Variants in PRKAR1A observed in about 807,000 individuals in gnomAD.
PRKAR1A encodes the protein protein kinase cAMP-dependent type I regulatory subunit alpha, also known as cAMP-dependent protein kinase type I-alpha regulatory subunit.
Under a neutral mutation model 52.0 loss-of-function variants are expected in PRKAR1A, and 3 were observed. That is an observed-to-expected ratio of 0.06 (90% CI 0.03 to 0.15). PRKAR1A has a LOEUF of 0.15. PRKAR1A is among the 10% of genes least tolerant of loss of function. PRKAR1A has a pLI of 1.00. For synonymous variants in PRKAR1A, 188 were observed against 168.4 expected (o/e 1.12, Z -0.90); for missense variants, 240 against 477.4 (o/e 0.50, Z 4.63).
At chr17:68,432,265 G>A in the PRKAR1A span, among the ~76,000 whole-genome samples, 1 of 152,192 alleles carries the variant, frequency 6.6e-6, no homozygotes, top group African/African-American at 2.4e-5. Flanking sequence ...TCCCATGGCT[G>A]TGATATGTGA....
At chr17:68,450,732 C>A in the PRKAR1A span, 2 of 1,604,980 alleles carry the variant, frequency 1.2e-6, no homozygotes, top group South Asian at 1.1e-5. Context: ...ACTTACTTGC[C>A]GGTTCAGCCT....
downstream of PRKAR1A, chr17:68,535,404 G>A: frequency 2.2e-6 from 1 of 454,122 alleles, no homozygotes; most frequent in East Asian, 6.9e-5. Flanking sequence ...GAGGTGGCGG[G>A]TTTTGAGGTA....
At chr17:68,437,171 T>C in the PRKAR1A span, among the ~76,000 whole-genome samples, 1 of 152,116 alleles carries the variant, frequency 6.6e-6, no homozygotes, top group Non-Finnish European at 1.5e-5. Context: ...GAAAAGTCAG[T>C]ACATATTGGT....
the PRKAR1A span, among the ~76,000 whole-genome samples, chr17:68,415,444 GGTCT>G: frequency 6.6e-6 from 1 of 152,072 alleles, no homozygotes; most frequent in Non-Finnish European, 1.5e-5. Flanking sequence ...CCTATTGTAT[GGTCT>G]GTCTTGGAGA....
chr17:68,430,187 G>T, the PRKAR1A span: 7 of 1,594,560 alleles, frequency 4.4e-6, no homozygotes, highest in Non-Finnish European at 6.0e-6. Flanking sequence ...AGGCAACGAT[G>T]GGACTGGGCT....
rs529408224 is a variant in PRKAR1A, at chr17:68,531,333, T to G, written c.*884T>G. 1 of 1,066,146 alleles carries G rather than the reference T, an allele frequency of 9.4e-7. No homozygotes were observed. The highest frequency in any genetic ancestry group is 1.6e-5 in the African/African-American group (1 of 61,222). The allele number at this position is 1,066,146 out of a possible 1,614,324, so 66.0% of individuals were successfully genotyped here. On this transcript the variant is annotated 3_prime_UTR_variant, in exon 11 of 11. Coordinates refer to ENST00000589228, the MANE Select transcript of PRKAR1A (RefSeq NM_002734.5). ...TAATTTAGAGCGTTTGGTTAAAGTA[T>G]GTCCTTCAGCTGACTCCAGTATAAT... is the stretch of plus-strand genomic sequence containing the variant.
In PRKAR1A at chr17:68,532,789, C is replaced by T. The variant is rs1314963307; in HGVS notation, c.*2340C>T. 9.4e-7 allele frequency: 1 copy of T among 1,066,318 alleles called. No homozygotes were observed. Among genetic ancestry groups the T allele is most frequent in the African/African-American group, 1.6e-5 (1 of 61,084 alleles). The allele number at this position is 1,066,318 out of a possible 1,614,324, so 66.1% of individuals were successfully genotyped here. A position where few individuals can be genotyped will look rare whatever the true frequency, so the allele number is the denominator to read the frequency against. ...TCTTAAATGAATCAGTTTTTCTTCC[C>T]TTTCTCCTTTCCGTCTTTCCTCTCT... On this transcript the variant is annotated 3_prime_UTR_variant, in exon 11 of 11. Transcript: ENST00000589228.
At chr17:68,439,511 G>C in the PRKAR1A span, among the ~76,000 whole-genome samples, 1 of 152,142 alleles carries the variant, frequency 6.6e-6, no homozygotes, top group Non-Finnish European at 1.5e-5. Context: ...AGAGGTACAA[G>C]GTTTGGGGCG....
chr17:68,454,116 C>T, the PRKAR1A span, among the ~76,000 whole-genome samples: 2 of 152,222 alleles, frequency 1.3e-5, no homozygotes, highest in African/African-American at 4.8e-5. Flanking sequence ...GAGATAAAGA[C>T]AGGACGTGAA....
exon 12 of PRKAR1A, chr17:68,551,254 A>G (rs1282527044): frequency 8.1e-6 from 6 of 738,518 alleles, no homozygotes; most frequent in African/African-American, 3.6e-5. Context: ...TCTATGTTTC[A>G]CAAAATTTTC....
the PRKAR1A span, among the ~76,000 whole-genome samples, chr17:68,419,168 C>T: frequency 6.6e-6 from 1 of 152,136 alleles, no homozygotes; most frequent in Admixed American, 6.5e-5. Context: ...TGAAATGACT[C>T]ACCTGCCTTT....
At position 68,532,075 on chromosome 17, in the gene PRKAR1A, A is replaced by G; in HGVS notation, c.*1626A>G. The G allele has an allele frequency of 9.4e-7, 1 of 1,065,284 alleles. No individual in the cohort carries two copies. The highest frequency in any genetic ancestry group is 1.1e-6 in the Non-Finnish European group (1 of 879,012). 66.0% of individuals were successfully genotyped at this position (1,065,284 alleles called of 1,614,324 possible). On this transcript the variant is annotated 3_prime_UTR_variant, in exon 11 of 11. Transcript: ENST00000589228. ...CAAGTATGAAGTATAAATCTGGGGA[A>G]GAGGTTTTATTTACATTTTAGGGTG...
the PRKAR1A span, chr17:68,421,508 A>G: frequency 8.2e-6 from 4 of 490,016 alleles, no homozygotes; most frequent in East Asian, 9.8e-5. Context: ...TTATATACCA[A>G]TATGGTTAAT....
intron 11 of PRKAR1A, among the ~76,000 whole-genome samples, chr17:68,546,227 G>A (rs952472182): frequency 6.8e-6 from 1 of 147,984 alleles, no homozygotes; most frequent in African/African-American, 2.5e-5. Flanking sequence ...GTTTGATCAT[G>A]CAGTTGCAAC....
chr17:68,511,561 G>A (rs1884684499), upstream of PRKAR1A, among the ~76,000 whole-genome samples: 3 of 152,218 alleles, frequency 2.0e-5, no homozygotes, highest in South Asian at 6.2e-4. Flanking sequence ...GGGCACTTCA[G>A]GTTCTAGAAG....
chr17:68,537,997 G>A (rs2086144867), downstream of PRKAR1A, among the ~76,000 whole-genome samples: 1 of 152,146 alleles, frequency 6.6e-6, no homozygotes, highest in Admixed American at 6.6e-5. This position sits in a 1 kb window ranked among gnomAD's most constrained non-coding sequence, Gnocchi z 4.2. Context: ...TGGTGATGCT[G>A]GGCTATATGC....
chr17:68,444,735 A>T, the PRKAR1A span: 3 of 614,986 alleles, frequency 4.9e-6, no homozygotes, highest in South Asian at 4.5e-5. Context: ...GATTGTGTTT[A>T]TGGATGTACA....
In PRKAR1A at chr17:68,522,854, A is replaced by G. The variant is rs766988929; in HGVS notation, c.276A>G (p.Lys92=). The G allele has an allele frequency of 6.2e-7, 1 of 1,614,000 alleles. No homozygotes were observed. Among genetic ancestry groups the G allele is most frequent in the South Asian group, 1.1e-5 (1 of 91,076 alleles). The stretch of plus-strand genomic sequence containing the variant: ...CTCCTCCACCCAACCCAGTGGTTAA[A>G]GGTAGGAGGCGACGAGGTGCTATCA... ...ISPPPPNPVV[K]GRRRRGAISA... The change falls in exon 3 of 11, where the codon AAA becomes AAG. Residue 92 remains lysine (K), a synonymous_variant. Coordinates refer to ENST00000589228, the MANE Select transcript of PRKAR1A (RefSeq NM_002734.5).
chr17:68,546,092 C>A (rs936763840), intron 11 of PRKAR1A, among the ~76,000 whole-genome samples: 14 of 147,032 alleles, frequency 9.5e-5, no homozygotes, highest in African/African-American at 3.6e-4. Flanking sequence ...TTGTTTGAAC[C>A]CAGGAGGCAG....
Sources: gnomAD v4.1 joint callset for allele counts (sites outside exome capture counted in the v4.1 genomes callset) on GRCh38, gnomAD v4.1.1 for gene constraint, Gnocchi (gnomAD v3.1) non-coding constraint, MANE v1.5 for transcripts, NCBI Gene and HGNC (gene_info 2026-07-23, HGNC 2026-07-21) for gene names.